Variants in FAM135A observed in about 807,000 individuals in gnomAD.
FAM135A encodes protein FAM135A.
Under a neutral mutation model 146.8 loss-of-function variants are expected in FAM135A, and 79 were observed. That is an observed-to-expected ratio of 0.54 (90% confidence interval 0.45 to 0.65). The LOEUF is 0.65. Among genes scored for constraint, FAM135A ranks in the 30% least tolerant of loss-of-function variants. The pLI is 0.00. For synonymous variants in FAM135A, 562 were observed against 603.6 expected (o/e 0.93, Z 1.01); for missense variants, 1,623 against 1,758.2 (o/e 0.92, Z 1.38).
intron 12 of FAM135A, among the ~76,000 whole-genome samples, chr6:70,520,440 T>C (rs1793308776): frequency 6.6e-6 from 1 of 152,200 alleles, no homozygotes; most frequent in Non-Finnish European, 1.5e-5. Flanking sequence ...ATGTATAGAA[T>C]TGTAATATAA....
chr6:70,423,434 G>T (rs1188942182), intron 2 of FAM135A, among the ~76,000 whole-genome samples: 1 of 152,150 alleles, frequency 6.6e-6, no homozygotes, highest in Non-Finnish European at 1.5e-5. Context: ...AGTCTAGGTA[G>T]GGAAGACATT....
At chr6:70,478,122 C>A (rs1782975528) in intron 8 of FAM135A, among the ~76,000 whole-genome samples, 2 of 152,058 alleles carry the variant, frequency 1.3e-5, no homozygotes, top group African/African-American at 2.4e-5. Context: ...AGTCATTAAC[C>A]AATTTTATGA....
chr6:70,516,922 C>A (rs1055386451), intron 12 of FAM135A, among the ~76,000 whole-genome samples: 4 of 152,154 alleles, frequency 2.6e-5, no homozygotes, highest in African/African-American at 9.6e-5. Flanking sequence ...CATTCTTTTC[C>A]ACTTTAAGAA....
At chr6:70,555,712 C>T (rs777798773) in intron 20 of FAM135A, among the ~76,000 whole-genome samples, 4 of 151,390 alleles carry the variant, frequency 2.6e-5, no homozygotes, top group Non-Finnish European at 5.9e-5. Flanking sequence ...AATTGTGTCA[C>T]GAGATGTGAG....
chr6:70,455,590 T>G (rs1336725161), intron 5 of FAM135A, among the ~76,000 whole-genome samples: 3 of 152,144 alleles, frequency 2.0e-5, no homozygotes, highest in African/African-American at 4.8e-5. Flanking sequence ...TAAAACAAGG[T>G]GACATGACAT....
intron 5 of FAM135A, among the ~76,000 whole-genome samples, chr6:70,471,979 T>C (rs1781713120): frequency 6.6e-6 from 1 of 152,124 alleles, no homozygotes; most frequent in Non-Finnish European, 1.5e-5. Flanking sequence ...CTTCAAGAAA[T>C]GAAGGCTTCC....
chr6:70,425,960 G>A (rs948390885), intron 2 of FAM135A, among the ~76,000 whole-genome samples: 198 of 151,986 alleles, frequency 1.3e-3, no homozygotes, highest in African/African-American at 4.3e-3. Context: ...AAAATTAGCC[G>A]GGCGCGGTGG....
intron 2 of FAM135A, among the ~76,000 whole-genome samples, chr6:70,423,293 G>A (rs1386761206): frequency 6.6e-6 from 1 of 152,186 alleles, no homozygotes; most frequent in Non-Finnish European, 1.5e-5. Flanking sequence ...AAGCCACAGA[G>A]GGTTTGGAAC....
chr6:70,415,100 G>A (rs1419995691), intron 1 of FAM135A, among the ~76,000 whole-genome samples, 191 bp from the exon 2 acceptor site: 1 of 152,148 alleles, frequency 6.6e-6, no homozygotes, highest in South Asian at 2.1e-4. Context: ...GGAGACATAC[G>A]TGAGAAGTAT....
intron 10 of FAM135A, 144 bp from the exon 11 acceptor site, chr6:70,490,890 G>A (rs1466003703): frequency 8.5e-6 from 4 of 470,254 alleles, no homozygotes; most frequent in Non-Finnish European, 1.4e-5. Flanking sequence ...TAATTAATAT[G>A]TTTATGAAAA....
rs148437796 is a variant in FAM135A, at chr6:70,481,364, G to A, written c.669+337G>A. Among the ~76,000 whole-genome samples, 859 of 152,228 alleles carry A rather than the reference G, an allele frequency of 5.6e-3. 3 individuals carry two copies. The highest frequency in any genetic ancestry group is 8.2e-3 in the Non-Finnish European group (559 of 68,010). On this transcript the variant is annotated intron_variant, in intron 9 of 21. Coordinates refer to ENST00000418814, the MANE Select transcript of FAM135A (RefSeq NM_001162529.3). ...GAGCTGAGACCCAGCGTAGAGTAGC[G>A]CAGGCCAGGTGTTGTGGCTCACGCC...
Position 70,525,321 on chromosome 6 carries a change from T to G in FAM135A, c.2237T>G (p.Val746Gly). ...LPAPSTKEYH[V>G]VVSGDTIKLP... ...GCCCCTTCTACAAAAGAATATCATG[T>G]TGTAGTAAGTGGAGATACAATTAAG... Residue 746 changes from valine (V) to glycine (G), a missense_variant, in exon 15 of 22, where the codon GTT becomes GGT. Val to Gly is a moderately radical substitution (Grantham distance 109, BLOSUM62 -3). Transcript: ENST00000418814. 6.2e-7 allele frequency: 1 copy of G among 1,611,966 alleles called. No homozygotes were observed.
intron 10 of FAM135A, among the ~76,000 whole-genome samples, chr6:70,489,439 T>C (rs796274082): frequency 4.6e-5 from 7 of 152,212 alleles, no homozygotes; most frequent in African/African-American, 1.7e-4. Flanking sequence ...ATGTGTTCCA[T>C]TGATTTTTAG....
chr6:70,553,508 G>A (rs1800239376), intron 20 of FAM135A, among the ~76,000 whole-genome samples: 1 of 152,124 alleles, frequency 6.6e-6, no homozygotes, highest in Admixed American at 6.5e-5. Context: ...ACCTTAATAT[G>A]TGGGAGCCAA....
intron 11 of FAM135A, among the ~76,000 whole-genome samples, chr6:70,502,059 G>C (rs1788678985): frequency 6.6e-6 from 1 of 152,090 alleles, no homozygotes; most frequent in African/African-American, 2.4e-5. Context: ...TAAATAGCAA[G>C]TGAGTGAATT....
At chr6:70,519,521 G>C (rs565653317) in intron 12 of FAM135A, among the ~76,000 whole-genome samples, 83 of 152,310 alleles carry the variant, frequency 5.4e-4, no homozygotes, top group African/African-American at 1.9e-3. Flanking sequence ...TTTGTGAAAG[G>C]AAGAGTCAAT....
At chr6:70,500,357 G>A (rs1317175540) in intron 11 of FAM135A, among the ~76,000 whole-genome samples, 2 of 152,044 alleles carry the variant, frequency 1.3e-5, no homozygotes, top group African/African-American at 4.8e-5. Context: ...TCTCTAAACT[G>A]GTTATTCTTG....
At chr6:70,442,866 C>A (rs769890604) in intron 4 of FAM135A, among the ~76,000 whole-genome samples, 1 of 152,186 alleles carries the variant, frequency 6.6e-6, no homozygotes, top group Non-Finnish European at 1.5e-5. Flanking sequence ...TTCCCTGTTA[C>A]AACTGCATTT....
intron 11 of FAM135A, among the ~76,000 whole-genome samples, chr6:70,501,292 T>C (rs909011861): frequency 6.6e-6 from 1 of 152,156 alleles, no homozygotes; most frequent in Non-Finnish European, 1.5e-5. Context: ...TCCTTAGCAC[T>C]GTCAGTGGAA....
Sources: gnomAD v4.1 joint callset for allele counts (sites outside exome capture counted in the v4.1 genomes callset) on GRCh38, gnomAD v4.1.1 for gene constraint, MANE v1.5 for transcripts, NCBI Gene and HGNC (gene_info 2026-07-23, HGNC 2026-07-21) for gene names.